SLC2A13: variants seen among roughly 807,000 people sequenced by gnomAD.
SLC2A13 encodes solute carrier family 2 member 13.
SLC2A13 carries 32 observed loss-of-function variants against 64.4 expected under a neutral mutation model. The observed-to-expected ratio is 0.50, with a 90% CI of 0.37 to 0.67. The LOEUF (loss-of-function observed/expected upper bound fraction) is 0.67. Ranked by LOEUF, SLC2A13 falls within the 30% of genes least tolerant of loss-of-function variation. The pLI is 0.00. For synonymous variants in SLC2A13, 338 were observed against 327.1 expected (o/e 1.03, Z -0.36); for missense variants, 743 against 829.2 (o/e 0.90, Z 1.28).
At position 39,805,060 on chromosome 12, in the gene SLC2A13, G is replaced by GAAGCCTGCTGGAGAC. The variant is rs1357341654; in HGVS notation, c.1445+25042_1445+25043insGTCTCCAGCAGGCTT. Reference sequence around the variant, plus strand: ...GCTGGAGGGAGAAGCCTGCTGGAGAGAGAAGCCTGCTGGGCAGGCAAGAAC... The same window carrying GAAGCCTGCTGGAGAC: ...GCTGGAGGGAGAAGCCTGCTGGAGAGAAGCCTGCTGGAGACAGAAGCCTGCTGGGCAGGCAAGAAC... On this transcript the variant is annotated intron_variant, in intron 7 of 9. Coordinates refer to ENST00000280871, the MANE Select transcript of SLC2A13 (RefSeq NM_052885.4). Among the ~76,000 whole-genome samples the GAAGCCTGCTGGAGAC allele has an allele frequency of 1.6e-4, 25 of 152,364 alleles. 1 individual carries two copies. The highest frequency in any genetic ancestry group is 2.4e-4 in the Non-Finnish European group (16 of 68,034).
chr12:39,832,358 C>T (rs888540284), intron 6 of SLC2A13, among the ~76,000 whole-genome samples: 7 of 152,138 alleles, frequency 4.6e-5, no homozygotes, highest in African/African-American at 1.7e-4. Flanking sequence ...AAGGTCAACT[C>T]ACTCATTTGC....
At chr12:40,012,073 A>G (rs1947540999) in intron 3 of SLC2A13, among the ~76,000 whole-genome samples, 1 of 152,234 alleles carries the variant, frequency 6.6e-6, no homozygotes, top group South Asian at 2.1e-4. Context: ...AGAGGTATTA[A>G]TAGTTCAACT....
chr12:39,936,569 G>A (rs938233754), intron 4 of SLC2A13, among the ~76,000 whole-genome samples: 20 of 152,198 alleles, frequency 1.3e-4, no homozygotes, highest in African/African-American at 4.6e-4. Context: ...TTAGGTTTAA[G>A]TGGGATTCTG....
chr12:39,850,650 T>C (rs1163817067), intron 6 of SLC2A13, among the ~76,000 whole-genome samples: 2 of 152,228 alleles, frequency 1.3e-5, no homozygotes, highest in African/African-American at 4.8e-5. Context: ...TATTTACTTA[T>C]GTGTTTAGCT....
In SLC2A13 at chr12:40,007,912, C is replaced by T. The variant is rs77554450; in HGVS notation, c.925+20389G>A. On this transcript the variant is annotated intron_variant, in intron 3 of 9. Coordinates refer to ENST00000280871, the MANE Select transcript of SLC2A13 (RefSeq NM_052885.4). ...CTTAAAGATTCCATACATGGAAAAACGCCTTATCTATATTACTTTTATAAT... is the reference window on the plus strand; with the variant it reads ...CTTAAAGATTCCATACATGGAAAAATGCCTTATCTATATTACTTTTATAAT... Among the ~76,000 whole-genome samples the T allele has an allele frequency of 4.9e-3, 744 of 152,196 alleles. 4 individuals carry two copies. Among genetic ancestry groups the T allele is most frequent in the Middle Eastern group, 0.017 (5 of 294 alleles).
intron 7 of SLC2A13, among the ~76,000 whole-genome samples, chr12:39,785,849 T>C (rs770669029): frequency 6.6e-6 from 1 of 152,190 alleles, no homozygotes; most frequent in Non-Finnish European, 1.5e-5. Context: ...GATTTTGGAC[T>C]TGCATGGGGC....
At chr12:40,055,867 T>A (rs1448432738) in intron 1 of SLC2A13, among the ~76,000 whole-genome samples, 3 of 151,334 alleles carry the variant, frequency 2.0e-5, no homozygotes, top group African/African-American at 4.8e-5. Context: ...CCAAAAATGG[T>A]CTCAAACTTC....
At chr12:40,075,542 A>T (rs1938137600) in intron 1 of SLC2A13, among the ~76,000 whole-genome samples, 1 of 152,190 alleles carries the variant, frequency 6.6e-6, no homozygotes, top group Non-Finnish European at 1.5e-5. Flanking sequence ...CAATTTCATT[A>T]GCAGCAATTT....
At chr12:39,905,286 T>C (rs1945239543) in intron 4 of SLC2A13, among the ~76,000 whole-genome samples, 1 of 152,150 alleles carries the variant, frequency 6.6e-6, no homozygotes, top group Non-Finnish European at 1.5e-5. Flanking sequence ...GTCTTGCTGC[T>C]CTGGCTGCTC....
chr12:39,782,210 T>C (rs1941011546), intron 7 of SLC2A13, among the ~76,000 whole-genome samples: 1 of 152,194 alleles, frequency 6.6e-6, no homozygotes, highest in Non-Finnish European at 1.5e-5. Context: ...AACCTTTGTG[T>C]TTACCTTGTG....
At chr12:39,864,665 C>A in intron 6 of SLC2A13, 97 bp downstream of exon 6, 2 of 1,479,740 alleles carry the variant, frequency 1.4e-6, no homozygotes, top group South Asian at 1.4e-5. Context: ...GGATGCCCAG[C>A]AAGCTCCTAC....
chr12:39,848,416 T>A (rs572074717), intron 6 of SLC2A13, among the ~76,000 whole-genome samples: 1 of 152,144 alleles, frequency 6.6e-6, no homozygotes, highest in African/African-American at 2.4e-5. Context: ...AAGGAGCATA[T>A]GAAAAAAATT....
intron 3 of SLC2A13, among the ~76,000 whole-genome samples, chr12:39,973,519 T>C (rs970332822): frequency 6.6e-6 from 1 of 152,246 alleles, no homozygotes; most frequent in Non-Finnish European, 1.5e-5. Flanking sequence ...ACCTGTCCTC[T>C]GAGCTCCACT....
chr12:39,905,274 C>A (rs1162568870), intron 4 of SLC2A13, among the ~76,000 whole-genome samples: 1 of 152,132 alleles, frequency 6.6e-6, no homozygotes, highest in East Asian at 1.9e-4. Context: ...TTCATCATCT[C>A]TGTCTTGCTG....
chr12:39,781,638 CT>C (rs1419312879), intron 7 of SLC2A13, among the ~76,000 whole-genome samples: 1 of 152,190 alleles, frequency 6.6e-6, no homozygotes, highest in African/African-American at 2.4e-5. Context: ...CTTATTCTTG[CT>C]ATGAATTTCC....
At chr12:39,900,443 C>T (rs963766302) in intron 4 of SLC2A13, among the ~76,000 whole-genome samples, 8 of 152,098 alleles carry the variant, frequency 5.3e-5, no homozygotes, top group East Asian at 1.9e-4. Context: ...AAAACCCCAT[C>T]GTCTCAGCCC....
At chr12:40,100,067 GCA>G (rs1423039859) in intron 1 of SLC2A13, among the ~76,000 whole-genome samples, 1 of 152,036 alleles carries the variant, frequency 6.6e-6, no homozygotes, top group African/African-American at 2.4e-5. Context: ...CATTTCATTT[GCA>G]CTGAGGAAGA....
At chr12:39,980,635 A>AT (rs1190208029) in intron 3 of SLC2A13, among the ~76,000 whole-genome samples, 2 of 150,102 alleles carry the variant, frequency 1.3e-5, no homozygotes, top group Non-Finnish European at 3.0e-5. Flanking sequence ...TATCCTAAAT[A>AT]TATATGCACC....
At chr12:39,793,294 G>T (rs1246762809) in intron 7 of SLC2A13, among the ~76,000 whole-genome samples, 1 of 152,082 alleles carries the variant, frequency 6.6e-6, no homozygotes, top group East Asian at 1.9e-4. Flanking sequence ...GTGCAAAATT[G>T]TACATTAAAA....
Sources: gnomAD v4.1 joint callset for allele counts (sites outside exome capture counted in the v4.1 genomes callset) on GRCh38, gnomAD v4.1.1 for gene constraint, MANE v1.5 for transcripts, NCBI Gene and HGNC (gene_info 2026-07-23, HGNC 2026-07-21) for gene names.